The following NBAS variants were observed in gnomAD, a reference collection of about 807,000 sequenced individuals.
NBAS encodes the protein NBAS subunit of NRZ tethering complex.
NBAS carries 219 observed loss-of-function variants against 302.5 expected under a neutral mutation model. The ratio of observed to expected loss-of-function variants is 0.72; its 90% CI spans 0.65 to 0.81. NBAS has a LOEUF of 0.81. NBAS is among the 30% of genes least tolerant of loss of function. The pLI, the probability that NBAS is intolerant of heterozygous loss-of-function variation, is 0.00. For synonymous variants in NBAS, 1,118 were observed against 1,021.6 expected (o/e 1.09, Z -1.80); for missense variants, 2,932 against 2,841.6 (o/e 1.03, Z -0.72).
the NBAS span, among the ~76,000 whole-genome samples, chr2:15,043,854 C>G: frequency 1.3e-5 from 2 of 152,192 alleles, no homozygotes; most frequent in Non-Finnish European, 1.5e-5. Context: ...TGACTCATCC[C>G]CACACTAGCC....
chr2:15,389,264 T>A (rs186898761), intron 28 of NBAS, among the ~76,000 whole-genome samples: 1 of 152,232 alleles, frequency 6.6e-6, no homozygotes, highest in East Asian at 1.9e-4. Flanking sequence ...ATACAACCAG[T>A]ATTGGCTCCC....
chr2:14,856,647 A>G, the NBAS span, among the ~76,000 whole-genome samples: 1 of 152,152 alleles, frequency 6.6e-6, no homozygotes, highest in East Asian at 1.9e-4. Context: ...GGAGCTGAAA[A>G]ATGCAGTTGG....
chr2:15,089,033 A>G, the NBAS span, among the ~76,000 whole-genome samples: 3 of 152,326 alleles, frequency 2.0e-5, no homozygotes, highest in South Asian at 4.1e-4. Flanking sequence ...GGTGGAGACA[A>G]ACCCCACAGC....
chr2:15,289,275 T>C (rs1381336728), intron 41 of NBAS, among the ~76,000 whole-genome samples: 11 of 151,804 alleles, frequency 7.2e-5, no homozygotes, highest in Non-Finnish European at 1.5e-4. Flanking sequence ...TTTGTTTTTG[T>C]TTTTTTGGTA....
intron 47 of NBAS, 93 bp downstream of exon 47, chr2:15,232,329 T>C (rs1667413901): frequency 8.2e-7 from 1 of 1,222,908 alleles, no homozygotes; most frequent in East Asian, 2.5e-5. Flanking sequence ...TGTGGCTTAG[T>C]CTTGGAAGCC....
chr2:15,478,564 G>C (rs1419735912), intron 12 of NBAS, among the ~76,000 whole-genome samples: 1 of 152,110 alleles, frequency 6.6e-6, no homozygotes, highest in Non-Finnish European at 1.5e-5. Context: ...ACATATGAAA[G>C]CAAAATACAC....
At chr2:15,129,444 G>C in the NBAS span, among the ~76,000 whole-genome samples, 2 of 152,184 alleles carry the variant, frequency 1.3e-5, no homozygotes, top group East Asian at 3.9e-4. Flanking sequence ...GGAGGCATCA[G>C]AGTCTTCTCC....
intron 44 of NBAS, among the ~76,000 whole-genome samples, chr2:15,251,083 A>C (rs980716008): frequency 2.0e-5 from 3 of 152,348 alleles, no homozygotes; most frequent in African/African-American, 7.2e-5. Flanking sequence ...GATAAACCAG[A>C]TAAAGAAAAT....
chr2:15,514,412 G>T (rs550710757), intron 9 of NBAS, among the ~76,000 whole-genome samples: 1 of 152,028 alleles, frequency 6.6e-6, no homozygotes, highest in Admixed American at 6.6e-5. Context: ...TAATCACAAC[G>T]TTTTTTCAAT....
chr2:14,972,052 GA>G, the NBAS span, among the ~76,000 whole-genome samples: 17 of 147,480 alleles, frequency 1.2e-4, no homozygotes, highest in East Asian at 4.0e-4. Context: ...TATGTACAGA[GA>G]AAAAAAAAAT....
intron 28 of NBAS, among the ~76,000 whole-genome samples, chr2:15,392,088 A>T (rs1675636297): frequency 6.6e-6 from 1 of 152,046 alleles, no homozygotes; most frequent in African/African-American, 2.4e-5. Context: ...ACATAAGTCT[A>T]CATAAACAAT....
At chr2:15,474,664 G>A (rs570474146) in intron 14 of NBAS, among the ~76,000 whole-genome samples, 12 of 152,114 alleles carry the variant, frequency 7.9e-5, no homozygotes, top group African/African-American at 2.9e-4. Context: ...AGGTTCAGAC[G>A]ATTCTCCTGC....
chr2:14,785,922 T>C, the NBAS span, among the ~76,000 whole-genome samples: 11 of 152,212 alleles, frequency 7.2e-5, no homozygotes, highest in Non-Finnish European at 1.5e-4. Context: ...GTACCTCTGG[T>C]AGAATTCGGC....
chr2:15,088,334 A>T, the NBAS span, among the ~76,000 whole-genome samples: 1 of 152,154 alleles, frequency 6.6e-6, no homozygotes, highest in African/African-American at 2.4e-5. Context: ...AGAAAAATCA[A>T]TCTGACAAGA....
the NBAS span, among the ~76,000 whole-genome samples, chr2:14,930,773 T>G: frequency 4.6e-5 from 7 of 152,238 alleles, 1 homozygote; most frequent in Non-Finnish European, 8.8e-5. Context: ...ATTTTATGAT[T>G]GACCAATCTG....
At chr2:14,835,186 C>T in the NBAS span, among the ~76,000 whole-genome samples, 1 of 151,856 alleles carries the variant, frequency 6.6e-6, no homozygotes, top group Non-Finnish European at 1.5e-5. Context: ...ACCAATTGTA[C>T]ACATCAATTG....
intron 44 of NBAS, among the ~76,000 whole-genome samples, chr2:15,249,901 G>A (rs189366084): frequency 6.6e-6 from 1 of 152,132 alleles, no homozygotes; most frequent in Non-Finnish European, 1.5e-5. Context: ...GTAATTTACA[G>A]TTTCAATGCT....
intron 38 of NBAS, among the ~76,000 whole-genome samples, chr2:15,310,912 C>A (rs1671245591): frequency 6.6e-6 from 1 of 152,196 alleles, no homozygotes; most frequent in South Asian, 2.1e-4. Context: ...TTTAGAACAA[C>A]AACTACAACA....
At chr2:14,958,425 C>A in the NBAS span, among the ~76,000 whole-genome samples, 2 of 152,198 alleles carry the variant, frequency 1.3e-5, no homozygotes, top group Non-Finnish European at 2.9e-5. Flanking sequence ...GGCACTGGAG[C>A]CAAGCTGCTC....
Sources: allele counts gnomAD v4.1 joint callset (sites outside exome capture counted in the v4.1 genomes callset), GRCh38; gene constraint gnomAD v4.1.1; transcripts MANE v1.5; gene names NCBI Gene and HGNC (gene_info 2026-07-23, HGNC 2026-07-21).